Variants in SETD6 observed in about 807,000 individuals in gnomAD.
SETD6 encodes N-lysine methyltransferase SETD6.
Under a neutral mutation model 52.7 loss-of-function variants are expected in SETD6, and 67 were observed. That is an observed-to-expected ratio of 1.27 (90% CI 1.04 to 1.56). The LOEUF (loss-of-function observed/expected upper bound fraction) is 1.56. Ranked by LOEUF, SETD6 falls within the 40% of genes most tolerant of loss-of-function variation. The probability of loss-of-function intolerance (pLI) is 0.00; values close to 1 mark genes in which losing one functional copy is unlikely to be tolerated. For synonymous variants in SETD6, 307 were observed against 250.2 expected (o/e 1.23, Z -2.14); for missense variants, 712 against 607.5 (o/e 1.17, Z -1.81).
At position 58,521,398 on chromosome 16, in the gene SETD6, T is replaced by G; in HGVS notation, c.*2369T>G. 7.0e-7 allele frequency: 1 copy of G among 1,425,654 alleles called. No individual in the cohort carries two copies. Among genetic ancestry groups the G allele is most frequent in the East Asian group, 2.3e-5 (1 of 43,896 alleles). 88.3% of individuals were successfully genotyped at this position (1,425,654 alleles called of 1,614,324 possible). A position where few individuals can be genotyped will look rare whatever the true frequency, so the allele number is the denominator to read the frequency against. ...ATTCTTCCATTACTTTTTTTCTAAC[T>G]TCTCCCTGACTATTGAACCACATGC... On this transcript the variant is annotated 3_prime_UTR_variant, in exon 8 of 8. Transcript: ENST00000219315.
upstream of SETD6, chr16:58,515,497 C>T: frequency 6.4e-7 from 1 of 1,567,524 alleles, no homozygotes. Context: ...CGGAAGTGAC[C>T]GCGCGGTGCG....
intron 5 of SETD6, chr16:58,517,160 T>C (rs984161812): frequency 5.2e-6 from 3 of 580,914 alleles, no homozygotes; most frequent in Non-Finnish European, 9.1e-6. Flanking sequence ...TATTTAGTGC[T>C]AGACATTGAG....
In SETD6 at chr16:58,521,338, CTAGT is replaced by C; in HGVS notation, c.*2312_*2315del. On this transcript the variant is annotated 3_prime_UTR_variant, in exon 8 of 8. Coordinates refer to ENST00000219315, the MANE Select transcript of SETD6 (RefSeq NM_001160305.4). ...GAACTCTGGAAAAAGGGAGAAAGAG[CTAGT>C]TAATGTATAGAAGCATACAAATTCA... 6.3e-7 allele frequency: 1 copy of C among 1,590,796 alleles called. No individual in the cohort carries two copies. Among genetic ancestry groups the C allele is most frequent in the South Asian group, 1.2e-5 (1 of 86,436 alleles).
rs2039464763 is a variant in SETD6, at chr16:58,523,128, C to G, written c.*4099C>G. 1 of 260,168 alleles carries G rather than the reference C, an allele frequency of 3.8e-6. No individual in the cohort carries two copies. The highest frequency in any genetic ancestry group is 5.2e-5 in the Admixed American group (1 of 19,100). The allele number at this position is 260,168 out of a possible 1,614,324, so 16.1% of individuals were successfully genotyped here. A position where few individuals can be genotyped will look rare whatever the true frequency, so the allele number is the denominator to read the frequency against. On this transcript the variant is annotated 3_prime_UTR_variant, in exon 8 of 8. Transcript: ENST00000219315. ...GGCGTGGTGGCAGGCGCCTGTAATC[C>G]CAGCTACTTGAGAGGCTAAGGCACG... is the stretch of plus-strand genomic sequence containing the variant.
Position 58,516,629 on chromosome 16 carries a change from C to T in SETD6, c.628C>T (p.Leu210=), listed in dbSNP as rs771901214. ...PDLFSLRVRS[L]ELYHQLVALV... is the part of the protein sequence containing the mutation. The stretch of plus-strand genomic sequence containing the variant: ...TCTCTTCAGCCTCAGGGTTCGCTCC[C>T]TAGAACTCTACCACCAGCTGGTGGC... The change falls in exon 4 of 8, where the codon CTA becomes TTA. Residue 210 remains leucine, a synonymous_variant. Transcript: ENST00000219315. The T allele has an allele frequency of 6.2e-7, 1 of 1,614,100 alleles. No individual in the cohort carries two copies. The highest frequency in any genetic ancestry group is 1.1e-5 in the South Asian group (1 of 91,078).
rs1233394283 is a variant in SETD6 at position 58,515,944 on chromosome 16, C to G, written c.181C>G (p.Pro61Ala). 8 of 1,523,504 alleles carry G rather than the reference C, an allele frequency of 5.3e-6. No homozygotes were observed. In the South Asian group the frequency reaches 8.5e-5, roughly 16 times the overall value. The allele number at this position is 1,523,504 out of a possible 1,614,324, so 94.4% of individuals were successfully genotyped here. The stretch of plus-strand genomic sequence containing the variant: ...GGCGCGGGCTGCCCTGACCAGCCCT[C>G]CTGCTCAGGTGGCGGTCAGCCGGCA... ...GGARAALTSP[P>A]AQVAVSRQGT... Residue 61 changes from proline to alanine, a missense_variant, in exon 2 of 8, where the codon CCT (proline) becomes GCT (alanine). By Grantham distance (27) the Pro-to-Ala change is conservative. Transcript: ENST00000219315.
At position 58,518,111 on chromosome 16, in the gene SETD6, T is replaced by TA. The variant is rs1403159237; in HGVS notation, c.854dup (p.Tyr285Ter). ...TAAAGGCCATGAGATTTTCAACACT[T>TA]ATGGGCAAATGGCTAACTGGCAACT... is the stretch of plus-strand genomic sequence containing the variant. The part of the protein sequence containing the change: ...IPKGHEIFNT[Y>*]GQMANWQLIH... Residue 285 changes from tyrosine to a stop codon, truncating the protein, a stop_gained and frameshift_variant, in exon 6 of 8, where the codon TAT (tyrosine) becomes TAAT (stop). Transcript: ENST00000219315. LOFTEE classifies it high-confidence loss of function. 1.9e-6 allele frequency: 3 copies of TA among 1,614,098 alleles called. No individual in the cohort carries two copies. The highest frequency in any genetic ancestry group is 2.5e-6 in the Non-Finnish European group (3 of 1,180,038).
At position 58,520,465 on chromosome 16, in the gene SETD6, T is replaced by A; in HGVS notation, c.*1436T>A. The A allele has an allele frequency of 6.2e-6, 1 of 160,852 alleles. No homozygotes were observed. The highest frequency in any genetic ancestry group is 1.4e-5 in the Non-Finnish European group (1 of 72,240). 10.0% of individuals were successfully genotyped at this position (160,852 alleles called of 1,614,324 possible). A position where few individuals can be genotyped will look rare whatever the true frequency, so the allele number is the denominator to read the frequency against. ...CATATCCAATTCTAGCACATCCACA[T>A]TTTTAATAACTTAGTGATTTTCAAG... is the stretch of plus-strand genomic sequence containing the variant. On this transcript the variant is annotated 3_prime_UTR_variant, in exon 8 of 8. Transcript: ENST00000219315.
rs770572262 is a variant in SETD6, at chr16:58,516,354, T to C, written c.476+11T>C. Reference sequence around the variant, plus strand: ...GCACCCGATGTTCTGGTGAGAGCCTTGGGAGGGGTTGGGGAGCGCCTGCAC... The same window carrying C: ...GCACCCGATGTTCTGGTGAGAGCCTCGGGAGGGGTTGGGGAGCGCCTGCAC... On this transcript the variant is annotated intron_variant, in intron 3 of 7. Transcript: ENST00000219315. 1.9e-6 allele frequency: 3 copies of C among 1,609,880 alleles called. No homozygotes were observed. Among genetic ancestry groups the C allele is most frequent in the East Asian group, 2.2e-5 (1 of 44,750 alleles).
In SETD6 at chr16:58,519,097, G is replaced by A; in HGVS notation, c.*68G>A. The A allele has an allele frequency of 7.0e-7, 1 of 1,434,598 alleles. No individual in the cohort carries two copies. Among genetic ancestry groups the A allele is most frequent in the Non-Finnish European group, 9.3e-7 (1 of 1,074,228 alleles). 88.9% of individuals were successfully genotyped at this position (1,434,598 alleles called of 1,614,324 possible). A position where few individuals can be genotyped will look rare whatever the true frequency, so the allele number is the denominator to read the frequency against. ...TCTAAGCTAATACTCATTGATGTTT[G>A]AAAAAGAGGAAAATTTGGATCTTTC... On this transcript the variant is annotated 3_prime_UTR_variant, in exon 8 of 8. Coordinates refer to ENST00000219315, the MANE Select transcript of SETD6 (RefSeq NM_001160305.4).
At position 58,518,051 on chromosome 16, in the gene SETD6, A is replaced by G; in HGVS notation, c.793A>G (p.Asn265Asp). 6.2e-7 allele frequency: 1 copy of G among 1,614,120 alleles called. No individual in the cohort carries two copies. Among genetic ancestry groups the G allele is most frequent in the Non-Finnish European group, 8.5e-7 (1 of 1,180,038 alleles). Residue 265 changes from asparagine (N) to aspartate (D), a missense_variant and splice_region_variant, in exon 6 of 8, where the codon AAT becomes GAT. By Grantham distance (23) the Asn-to-Asp change is conservative. Coordinates refer to ENST00000219315, the MANE Select transcript of SETD6 (RefSeq NM_001160305.4). Reference sequence around the variant, plus strand: ...CCCCAGCTTCTCCCTTTCACCTCAGAATTGTCTTCGGATGGTAGCCACTCA... The same window carrying G: ...CCCCAGCTTCTCCCTTTCACCTCAGGATTGTCTTCGGATGGTAGCCACTCA... ...NHNANLEYSA[N>D]CLRMVATQPI...
Position 58,515,900 on chromosome 16 carries a change from G to T in SETD6, c.137G>T (p.Gly46Val). The part of the protein sequence containing the change: ...LSPKVSERAG[G>V]RRTRGGARAA... ...CCCAAGGTGAGCGAGCGAGCCGGCG[G>T]GCGGAGGACCCGCGGCGGGGCGCGG... is the stretch of plus-strand genomic sequence containing the variant. The change falls in exon 2 of 8, where the codon GGG becomes GTG. Residue 46 changes from glycine to valine, a missense_variant. Physicochemically the swap from Gly to Val is moderately radical, Grantham distance 109 (BLOSUM62 -3). Transcript: ENST00000219315. 2 of 1,508,644 alleles carry T rather than the reference G, an allele frequency of 1.3e-6. No individual in the cohort carries two copies. The highest frequency in any genetic ancestry group is 1.8e-6 in the Non-Finnish European group (2 of 1,137,616). 93.5% of individuals were successfully genotyped at this position (1,508,644 alleles called of 1,614,324 possible). A position where few individuals can be genotyped will look rare whatever the true frequency, so the allele number is the denominator to read the frequency against.
intron 1 of SETD6, 63 bp from the exon 2 acceptor site, chr16:58,515,728 C>A (rs1262110946): frequency 2.8e-6 from 4 of 1,411,910 alleles, no homozygotes; most frequent in African/African-American, 1.5e-5. Flanking sequence ...GCGCCGCGGT[C>A]TCCTGCAGTT....
chr16:58,517,231 G>GT (rs958760553), intron 5 of SETD6: 2 of 400,786 alleles, frequency 5.0e-6, no homozygotes, highest in Non-Finnish European at 9.5e-6. Flanking sequence ...CCCAGACTGT[G>GT]TGTGGCTCTG....
rs1377552207 is a variant in SETD6, at chr16:58,522,394, AGACT to A, written c.*3366_*3369del. ...CATAACAAAGATTACAAGTCCAAGG[AGACT>A]TACTGCAGCTTTATATAAACAAAAT... On this transcript the variant is annotated 3_prime_UTR_variant, in exon 8 of 8. Transcript: ENST00000219315. Among the ~76,000 whole-genome samples, 1 of 152,222 alleles carries A rather than the reference AGACT, an allele frequency of 6.6e-6. No homozygotes were observed. Among genetic ancestry groups the A allele is most frequent in the African/African-American group, 2.4e-5 (1 of 41,450 alleles).
chr16:58,515,894 C>T lies in SETD6; in HGVS notation c.131C>T (p.Ala44Val). 2 of 1,508,176 alleles carry T rather than the reference C, an allele frequency of 1.3e-6. No individual in the cohort carries two copies. Among genetic ancestry groups the T allele is most frequent in the African/African-American group, 1.4e-5 (1 of 69,228 alleles). The allele number at this position is 1,508,176 out of a possible 1,614,324, so 93.4% of individuals were successfully genotyped here. The change falls in exon 2 of 8, where the codon GCC becomes GTC. Residue 44 changes from alanine (A) to valine (V), a missense_variant. Transcript: ENST00000219315. ...LELSPKVSER[A>V]GGRRTRGGAR... Reference sequence around the variant, plus strand: ...CTGAGTCCCAAGGTGAGCGAGCGAGCCGGCGGGCGGAGGACCCGCGGCGGG... The same window carrying T: ...CTGAGTCCCAAGGTGAGCGAGCGAGTCGGCGGGCGGAGGACCCGCGGCGGG...
Position 58,516,526 on chromosome 16 carries a change from G to A in SETD6, c.525G>A (p.Glu175=), listed in dbSNP as rs1262556259. 2 of 1,614,184 alleles carry A rather than the reference G, an allele frequency of 1.2e-6. No individual in the cohort carries two copies. The highest frequency in any genetic ancestry group is 3.3e-5 in the Admixed American group (2 of 60,036). Residue 175 remains glutamate, a synonymous_variant, in exon 4 of 8, where the codon GAG becomes GAA. Coordinates refer to ENST00000219315, the MANE Select transcript of SETD6 (RefSeq NM_001160305.4). Reference sequence around the variant, plus strand: ...TGCTCCAGGGCACAGGCGTACCTGAGGCCGTGGAGAAGGATTTGGCCAACA... The same window carrying A: ...TGCTCCAGGGCACAGGCGTACCTGAAGCCGTGGAGAAGGATTTGGCCAACA... ...RCLLQGTGVP[E]AVEKDLANIR...
chr16:58,516,486 A>C lies in SETD6; in HGVS notation c.485A>C (p.Glu162Ala). Residue 162 changes from glutamate to alanine, a missense_variant, in exon 4 of 8, where the codon GAG (glutamate) becomes GCG (alanine). Coordinates refer to ENST00000219315, the MANE Select transcript of SETD6 (RefSeq NM_001160305.4). ...TGTGGGTGTCCCTGCAGGCCAGAGG[A>C]GGAGCGCCGGTGCCTGCTCCAGGGC... ...RLEHPMFWPE[E>A]ERRCLLQGTG... 1 of 1,613,942 alleles carries C rather than the reference A, an allele frequency of 6.2e-7. No homozygotes were observed. The highest frequency in any genetic ancestry group is 1.1e-5 in the South Asian group (1 of 91,072).
intron 4 of SETD6, 37 bp from the exon 5 acceptor site, chr16:58,516,771 C>A (rs770986535): frequency 6.2e-7 from 1 of 1,613,492 alleles, no homozygotes. Context: ...AGTCCCTCAC[C>A]CAAGACAGGG....
Sources: allele counts gnomAD v4.1 joint callset (sites outside exome capture counted in the v4.1 genomes callset), GRCh38; gene constraint gnomAD v4.1.1; transcripts MANE v1.5; gene names NCBI Gene and HGNC (gene_info 2026-07-23, HGNC 2026-07-21).